DDX42: variants seen among roughly 807,000 people sequenced by gnomAD.
The protein encoded by DDX42 is DEAD-box helicase 42, also known as ATP-dependent RNA helicase DDX42.
DDX42 carries 22 observed loss-of-function variants against 101.5 expected under a neutral mutation model. The observed-to-expected ratio is 0.22, with a 90% CI of 0.15 to 0.31. The LOEUF (loss-of-function observed/expected upper bound fraction) is 0.31. DDX42 is among the 10% of genes least tolerant of loss of function. The probability of loss-of-function intolerance (pLI) is 1.00; values close to 1 mark genes in which losing one functional copy is unlikely to be tolerated. For missense variants in DDX42, 849 were observed against 1,199.9 expected (o/e 0.71, Z 4.32); for synonymous variants, 402 against 401.2 (o/e 1.00, Z -0.02).
At chr17:63,807,231 C>T (rs1210218788) in intron 8 of DDX42, among the ~76,000 whole-genome samples, 8 of 152,148 alleles carry the variant, frequency 5.3e-5, no homozygotes, top group Admixed American at 5.2e-4. Flanking sequence ...ATCTCTGCCT[C>T]CCAGGTTCAA....
chr17:63,807,960 C>CT, intron 9 of DDX42, 60 bp downstream of exon 9: 1 of 1,504,594 alleles, frequency 6.6e-7, no homozygotes, highest in Non-Finnish European at 8.9e-7. Context: ...ACCAGCCAGT[C>CT]AAGTGAGGTA....
chr17:63,817,535 CAAG>C, intron 17 of DDX42, 156 bp from the exon 18 acceptor site: 1 of 675,410 alleles, frequency 1.5e-6, no homozygotes, highest in African/African-American at 1.8e-5. Context: ...CTTTATAGCA[CAAG>C]AACAAAAGGG....
intron 6 of DDX42, among the ~76,000 whole-genome samples, chr17:63,802,774 G>A (rs1421194732): frequency 6.6e-6 from 1 of 152,080 alleles, no homozygotes; most frequent in Non-Finnish European, 1.5e-5. Context: ...GCCAGGCATG[G>A]TGGTGCATGC....
Position 63,818,830 on chromosome 17 carries a change from A to G in DDX42, c.*432A>G, listed in dbSNP as rs2040012783. The G allele has an allele frequency of 1.2e-5, 2 of 162,888 alleles. No homozygotes were observed. Among genetic ancestry groups the G allele is most frequent in the African/African-American group, 2.4e-5 (1 of 41,528 alleles). The allele number at this position is 162,888 out of a possible 1,614,324, so 10.1% of individuals were successfully genotyped here. Reference sequence around the variant, plus strand: ...TTAGGAGTTGGCTTCTGCAAATTCAATCCATTGAGCTAACTGTTGGGGAGC... The same window carrying G: ...TTAGGAGTTGGCTTCTGCAAATTCAGTCCATTGAGCTAACTGTTGGGGAGC... On this transcript the variant is annotated 3_prime_UTR_variant, in exon 18 of 18. Transcript: ENST00000389924.
rs1479688565 is a variant in DDX42 at position 63,818,409 on chromosome 17, C to T, written c.*11C>T. The T allele has an allele frequency of 1.3e-5, 21 of 1,603,966 alleles. No homozygotes were observed. The highest frequency in any genetic ancestry group is 3.4e-5 in the Admixed American group (2 of 58,428). On this transcript the variant is annotated 3_prime_UTR_variant, in exon 18 of 18. Transcript: ENST00000389924. ...CGATGGGACAGTTAGAGGGGATGTG[C>T]TAAAGCGTGAAATCAGTTGTCCTTA... is the stretch of plus-strand genomic sequence containing the variant.
chr17:63,813,337 A>C lies in DDX42; in HGVS notation c.1785A>C (p.Lys595Asn). ...RIGRTGRAGE[K>N]GVAYTLLTPK... is the part of the protein sequence containing the mutation. ...GCCGCACAGGAAGAGCGGGTGAGAA[A>C]GGTGTGGCCTATACCCTACTCACTC... is the stretch of plus-strand genomic sequence containing the variant. Residue 595 changes from lysine (K) to asparagine (N), a missense_variant, in exon 15 of 18, where the codon AAA becomes AAC. By Grantham distance (94) the Lys-to-Asn change is moderately conservative. This residue lies in a region of DDX42 where 86 missense variants were observed against 160.8 expected (regional missense o/e 0.53). Coordinates refer to ENST00000389924, the MANE Select transcript of DDX42 (RefSeq NM_203499.3). 1.9e-6 allele frequency: 3 copies of C among 1,614,102 alleles called. No individual in the cohort carries two copies. Among genetic ancestry groups the C allele is most frequent in the South Asian group, 1.1e-5 (1 of 91,084 alleles).
rs190075688 is a variant in DDX42 at position 63,812,693 on chromosome 17, T to A, written c.1675+485T>A. ...ACACATTTTAAATATATATTCCCAG[T>A]GCAAGAGAAGAGGGCATGGCAGATT... On this transcript the variant is annotated intron_variant, in intron 14 of 17. Transcript: ENST00000389924. Among the ~76,000 whole-genome samples the A allele has an allele frequency of 2.0e-5, 3 of 152,260 alleles. No individual in the cohort carries two copies. The East Asian group carries it at 5.8e-4, about 29-fold the overall frequency.
chr17:63,798,564 A>G (rs2039721668), intron 4 of DDX42, among the ~76,000 whole-genome samples: 1 of 152,200 alleles, frequency 6.6e-6, no homozygotes, highest in Non-Finnish European at 1.5e-5. Context: ...ATTTTTTTCA[A>G]CCAACACAGG....
At chr17:63,809,015 C>G in intron 10 of DDX42, 67 bp downstream of exon 10, 1 of 1,579,774 alleles carries the variant, frequency 6.3e-7, no homozygotes. Flanking sequence ...ATTAGTTTTG[C>G]AGAGAATTTC....
intron 12 of DDX42, 94 bp from the exon 13 acceptor site, chr17:63,810,982 A>G: frequency 9.8e-7 from 1 of 1,020,186 alleles, no homozygotes; most frequent in Non-Finnish European, 1.4e-6. Context: ...AGCTTATGTA[A>G]AAAAACTGAA....
At chr17:63,807,946 A>G (rs749880434) in intron 9 of DDX42, 46 bp downstream of exon 9, 1 of 1,565,212 alleles carries the variant, frequency 6.4e-7, no homozygotes, top group Non-Finnish European at 8.7e-7. Context: ...TGGACTAGCA[A>G]GGGACCAGCC....
chr17:63,775,761 A>G (rs2039413106), intron 1 of DDX42, among the ~76,000 whole-genome samples: 1 of 152,242 alleles, frequency 6.6e-6, no homozygotes, highest in Admixed American at 6.5e-5. Context: ...CGGAACAACC[A>G]AAGCCTTTTA....
chr17:63,775,344 GA>G (rs142931989), intron 1 of DDX42, among the ~76,000 whole-genome samples: 2,561 of 152,314 alleles, frequency 0.017, 72 homozygotes, highest in African/African-American at 0.058. Context: ...CGTTCTAGGT[GA>G]TAGGGATAGG....
At chr17:63,789,614 C>T (rs1397164329) in intron 2 of DDX42, among the ~76,000 whole-genome samples, 2 of 127,792 alleles carry the variant, frequency 1.6e-5, no homozygotes, top group Non-Finnish European at 3.1e-5. Flanking sequence ...GCTCTTGTTG[C>T]CCAGGCTGGA....
At chr17:63,807,598 G>A (rs2039858342) in intron 8 of DDX42, 126 bp from the exon 9 acceptor site, 2 of 796,626 alleles carry the variant, frequency 2.5e-6, no homozygotes, top group Non-Finnish European at 4.0e-6. Flanking sequence ...AGTATGCATA[G>A]CACCAGGTAT....
At chr17:63,778,423 C>G (rs1366636606) in intron 1 of DDX42, among the ~76,000 whole-genome samples, 1 of 152,168 alleles carries the variant, frequency 6.6e-6, no homozygotes, top group African/African-American at 2.4e-5. Flanking sequence ...AATAGCTTGC[C>G]TCTTACCCTC....
chr17:63,809,670 A>C lies in DDX42; in HGVS notation c.1252+11A>C. ...TTGACATGGGATTTGGTATGCCTTG[A>C]ATACCAGTTTCTTCTGTCCCCATCC... is the stretch of plus-strand genomic sequence containing the variant. On this transcript the variant is annotated intron_variant, in intron 11 of 17. Coordinates refer to ENST00000389924, the MANE Select transcript of DDX42 (RefSeq NM_203499.3). 2 of 1,600,202 alleles carry C rather than the reference A, an allele frequency of 1.2e-6. No individual in the cohort carries two copies. Among genetic ancestry groups the C allele is most frequent in the Non-Finnish European group, 1.7e-6 (2 of 1,167,216 alleles).
chr17:63,810,426 T>A, intron 11 of DDX42, 87 bp from the exon 12 acceptor site: 1 of 1,398,772 alleles, frequency 7.1e-7, no homozygotes, highest in Non-Finnish European at 1.0e-6. Flanking sequence ...TACAACTTCT[T>A]ATGAAGACTT....
chr17:63,805,151 T>C lies in DDX42; in HGVS notation c.702T>C (p.Asp234=), dbSNP rs143917302. 1.5e-4 allele frequency: 247 copies of C among 1,613,088 alleles called. 2 individuals are homozygous for C. The African/African-American group carries it at 2.7e-3, about 17-fold the overall frequency. The part of the protein sequence containing the change: ...ITNLTPQQLI[D]LRHKLNLRVS... Reference sequence around the variant, plus strand: ...ACCTCACTCCACAGCAGTTAATAGATCTCCGGCATAAGCTCAATCTTCGGG... The same window carrying C: ...ACCTCACTCCACAGCAGTTAATAGACCTCCGGCATAAGCTCAATCTTCGGG... Residue 234 remains aspartate (D), a synonymous_variant, in exon 7 of 18, where the codon GAT becomes GAC. Transcript: ENST00000389924.
Sources: gnomAD v4.1 joint callset for allele counts (sites outside exome capture counted in the v4.1 genomes callset) on GRCh38, gnomAD v4.1.1 for gene constraint, gnomAD v4.1.1 regional missense constraint, MANE v1.5 for transcripts, NCBI Gene and HGNC (gene_info 2026-07-23, HGNC 2026-07-21) for gene names.